ABCC5: variants seen among roughly 807,000 people sequenced by gnomAD.
ABCC5 encodes the protein ATP-binding cassette sub-family C member 5.
In ABCC5, 61 loss-of-function variants were observed where a neutral mutation model predicts 160.9. That is an observed-to-expected ratio of 0.38 (90% CI 0.31 to 0.47). The LOEUF (loss-of-function observed/expected upper bound fraction) is 0.47. ABCC5 is among the 20% of genes least tolerant of loss of function. The pLI, the probability that ABCC5 is intolerant of heterozygous loss-of-function variation, is 0.99. For synonymous variants in ABCC5, 666 were observed against 700.6 expected (o/e 0.95, Z 0.78); for missense variants, 1,308 against 1,813.3 (o/e 0.72, Z 5.06).
Position 183,984,047 on chromosome 3 carries a change from C to T in ABCC5, c.592-1040G>A, listed in dbSNP as rs75617395. The stretch of plus-strand genomic sequence containing the variant: ...TCCTGAGGTTGCAATGATTCTGCAA[C>T]GGAGTAGATTCTCTAGGAAAAAAGA... On this transcript the variant is annotated intron_variant, in intron 5 of 29. Coordinates refer to ENST00000334444, the MANE Select transcript of ABCC5 (RefSeq NM_005688.4). The T allele has an allele frequency of 6.6e-3, 6,461 of 985,186 alleles. 342 individuals carry two copies. In the African/African-American group the frequency reaches 0.1, roughly 16 times the overall value. 61.0% of individuals were successfully genotyped at this position (985,186 alleles called of 1,614,324 possible). A position where few individuals can be genotyped will look rare whatever the true frequency, so the allele number is the denominator to read the frequency against.
intron 5 of ABCC5, chr3:183,986,930 T>G (rs1329551587): frequency 6.6e-6 from 1 of 152,064 alleles, no homozygotes; most frequent in Non-Finnish European, 1.5e-5. Context: ...ACAAGAGGCA[T>G]CAAACGTTAA....
chr3:183,969,154 C>T (rs1033456732), intron 11 of ABCC5, among the ~76,000 whole-genome samples: 3 of 152,142 alleles, frequency 2.0e-5, no homozygotes, highest in Non-Finnish European at 2.9e-5. Flanking sequence ...ACTTGGCAAA[C>T]ATTACCTCCC....
chr3:184,015,092 G>GA (rs563156071), intron 1 of ABCC5, among the ~76,000 whole-genome samples: 11 of 151,458 alleles, frequency 7.3e-5, no homozygotes, highest in South Asian at 2.1e-4. Flanking sequence ...TGAATACATT[G>GA]AAAAAAAACA....
intron 5 of ABCC5, chr3:183,985,402 G>C (rs1719116055): frequency 1.2e-6 from 2 of 1,600,204 alleles, no homozygotes; most frequent in Non-Finnish European, 1.7e-6. Context: ...TCTGTCACTG[G>C]TTCCACTACA....
intron 29 of ABCC5, among the ~76,000 whole-genome samples, chr3:183,925,167 A>G (rs1378510551): frequency 2.0e-5 from 3 of 152,212 alleles, no homozygotes; most frequent in African/African-American, 4.8e-5. Context: ...GTGTATGTGA[A>G]TGAATCACTA....
chr3:183,984,917 C>T (rs777066865), intron 5 of ABCC5: 18 of 1,549,228 alleles, frequency 1.2e-5, no homozygotes, highest in Non-Finnish European at 1.1e-5. Flanking sequence ...CAGGTGGTTG[C>T]CTTGGGCTCC....
rs1202716036 is a variant in ABCC5, at chr3:184,017,186, A to G, written c.-56+644T>C. Among the ~76,000 whole-genome samples the G allele has an allele frequency of 6.6e-6, 1 of 152,154 alleles. No individual in the cohort carries two copies. The highest frequency in any genetic ancestry group is 1.9e-4 in the East Asian group (1 of 5,196). On this transcript the variant is annotated intron_variant, in intron 1 of 29. Coordinates refer to ENST00000334444, the MANE Select transcript of ABCC5 (RefSeq NM_005688.4). This position sits in a 1 kb window ranked among gnomAD's most constrained non-coding sequence, Gnocchi z 4.5. Reference sequence around the variant, plus strand: ...GCAGAAACCAAATGGCCCCTGTGTGATAAACACAAAGCCACCCGCGGCTCT... The same window carrying G: ...GCAGAAACCAAATGGCCCCTGTGTGGTAAACACAAAGCCACCCGCGGCTCT...
intron 2 of ABCC5, among the ~76,000 whole-genome samples, chr3:184,007,055 C>T (rs946234159): frequency 9.1e-6 from 1 of 110,434 alleles, no homozygotes; most frequent in African/African-American, 3.7e-5. Context: ...CAGAGTCTTG[C>T]TGTTCCCCAG....
intron 5 of ABCC5, chr3:183,984,663 C>A: frequency 6.9e-7 from 1 of 1,454,182 alleles, no homozygotes; most frequent in Non-Finnish European, 9.0e-7. Flanking sequence ...CTCTCCCCTC[C>A]CTCAGATTTT....
chr3:183,980,848 G>A (rs1454936015), intron 8 of ABCC5, among the ~76,000 whole-genome samples: 1 of 151,992 alleles, frequency 6.6e-6, no homozygotes, highest in Non-Finnish European at 1.5e-5. Context: ...GAATAGCTGG[G>A]ATTACAGGCA....
chr3:183,943,545 GC>G (rs1232850722), intron 24 of ABCC5, among the ~76,000 whole-genome samples: 1 of 152,148 alleles, frequency 6.6e-6, no homozygotes, highest in East Asian at 1.9e-4. Context: ...TGATATAACT[GC>G]TTGGGTAATT....
intron 17 of ABCC5, among the ~76,000 whole-genome samples, chr3:183,955,857 CAG>C (rs1715853040): frequency 7.0e-6 from 1 of 142,348 alleles, no homozygotes; most frequent in African/African-American, 2.6e-5. Flanking sequence ...CGGTTACATG[CAG>C]ATCCGTGTGT....
In ABCC5 at chr3:184,012,354, T is replaced by C. The variant is rs576099148; in HGVS notation, c.129+1910A>G. Among the ~76,000 whole-genome samples the C allele has an allele frequency of 1.6e-4, 24 of 152,320 alleles. No homozygotes were observed. In the East Asian group the frequency reaches 4.6e-3, roughly 29 times the overall value. ...ACCTATAATCTCTTTACACATCCTA[T>C]GCCCTGAACAACTAGTTCTAAGAGC... On this transcript the variant is annotated intron_variant, in intron 2 of 29. Transcript: ENST00000334444.
Position 183,968,946 on chromosome 3 carries a change from G to C in ABCC5, c.1762-1180C>G, listed in dbSNP as rs540889114. Among the ~76,000 whole-genome samples, 3 of 152,320 alleles carry C rather than the reference G, an allele frequency of 2.0e-5. No homozygotes were observed. The East Asian group carries it at 5.8e-4, about 29-fold the overall frequency. On this transcript the variant is annotated intron_variant, in intron 11 of 29. Coordinates refer to ENST00000334444, the MANE Select transcript of ABCC5 (RefSeq NM_005688.4). ...CCTCATAAAACTAAGTACAGTGTCT[G>C]ATAGTTGAACAAATAGTTTTTGACA...
chr3:184,015,069 TTGCACAA>T (rs1722081944), intron 1 of ABCC5, among the ~76,000 whole-genome samples: 1 of 152,160 alleles, frequency 6.6e-6, no homozygotes, highest in East Asian at 1.9e-4. Flanking sequence ...GTGGTAATGG[TTGCACAA>T]TGCAGTGAAT....
rs375341021 is a variant in ABCC5 at position 183,949,815 on chromosome 3, C to G, written c.3165G>C (p.Thr1055=). Residue 1055 remains threonine (T), a synonymous_variant, in exon 22 of 30, where the codon ACG becomes ACC. Coordinates refer to ENST00000334444, the MANE Select transcript of ABCC5 (RefSeq NM_005688.4). The surrounding 1 kb of genome is among the most constrained non-coding windows in gnomAD (Gnocchi z 4.2). ...ITQSPFLSHI[T]SSIQGLATIH... ...TGGTGGCAAGGCCCTGTATGCTGGA[C>G]GTGATGTGGGAGAGGAAAGGTGACT... 67 of 1,614,138 alleles carry G rather than the reference C, an allele frequency of 4.2e-5. No homozygotes were observed. The East Asian group carries it at 1.3e-3, about 31-fold the overall frequency.
chr3:183,939,231 G>T (rs985163971), intron 25 of ABCC5, among the ~76,000 whole-genome samples: 1 of 152,156 alleles, frequency 6.6e-6, no homozygotes, highest in Non-Finnish European at 1.5e-5. Context: ...TCAGGAGTTC[G>T]AGACCAACCT....
chr3:183,945,477 A>C (rs1714752461), intron 24 of ABCC5, among the ~76,000 whole-genome samples: 1 of 152,214 alleles, frequency 6.6e-6, no homozygotes, highest in Non-Finnish European at 1.5e-5. Context: ...TCCTGCCAAA[A>C]GCTCAGCAGG....
chr3:183,958,150 T>C (rs569903934), intron 17 of ABCC5, among the ~76,000 whole-genome samples: 9 of 152,210 alleles, frequency 5.9e-5, no homozygotes, highest in Non-Finnish European at 1.2e-4. Context: ...GTATATCACA[T>C]TGGTTACATG....
Sources: gnomAD v4.1 joint callset for allele counts (sites outside exome capture counted in the v4.1 genomes callset) on GRCh38, gnomAD v4.1.1 for gene constraint, Gnocchi (gnomAD v3.1) non-coding constraint, MANE v1.5 for transcripts, NCBI Gene and HGNC (gene_info 2026-07-23, HGNC 2026-07-21) for gene names.